GRM8: variants seen among roughly 807,000 people sequenced by gnomAD.
The protein encoded by GRM8 is glutamate metabotropic receptor 8.
In GRM8, 47 loss-of-function variants were observed where a neutral mutation model predicts 87.2. That is an observed-to-expected ratio of 0.54 (90% CI 0.43 to 0.69). The LOEUF (loss-of-function observed/expected upper bound fraction) is 0.69. GRM8 is among the 30% of genes least tolerant of loss of function. GRM8 has a pLI of 0.00. For synonymous variants in GRM8, 396 were observed against 404.5 expected (o/e 0.98, Z 0.25); for missense variants, 1,019 against 1,139.2 (o/e 0.89, Z 1.52).
chr7:126,680,112 C>T (rs1041181386), intron 7 of GRM8, among the ~76,000 whole-genome samples: 1 of 151,812 alleles, frequency 6.6e-6, no homozygotes, highest in Non-Finnish European at 1.5e-5. Flanking sequence ...GAGTGAGATG[C>T]GCAAATGGAA....
intron 3 of GRM8, among the ~76,000 whole-genome samples, chr7:126,963,090 T>C (rs1809482056): frequency 2.6e-5 from 4 of 152,238 alleles, no homozygotes. Context: ...TTTGTTTGTT[T>C]TTCAAGACAG....
intron 6 of GRM8, among the ~76,000 whole-genome samples, chr7:126,810,238 T>C (rs1174101505): frequency 1.3e-5 from 2 of 152,066 alleles, no homozygotes; most frequent in South Asian, 2.1e-4. Context: ...AAAGATACTC[T>C]CCTCTAAGAG....
chr7:127,199,201 T>G (rs982239841), intron 2 of GRM8, among the ~76,000 whole-genome samples: 2 of 151,564 alleles, frequency 1.3e-5, no homozygotes, highest in African/African-American at 4.8e-5. Context: ...CCTCAAGTGA[T>G]CCTCCTGCCT....
At chr7:127,221,653 T>C (rs1796941921) in intron 2 of GRM8, among the ~76,000 whole-genome samples, 1 of 152,190 alleles carries the variant, frequency 6.6e-6, no homozygotes, top group African/African-American at 2.4e-5. Context: ...TAATAACTCA[T>C]TTTGCTAAGA....
At chr7:126,798,015 A>G (rs564114434) in intron 6 of GRM8, among the ~76,000 whole-genome samples, 1 of 152,166 alleles carries the variant, frequency 6.6e-6, no homozygotes, top group Non-Finnish European at 1.5e-5. Flanking sequence ...CTGCAAGAAG[A>G]GAACGCCTCT....
chr7:126,512,791 C>G (rs186539943), intron 9 of GRM8: 1 of 152,112 alleles, frequency 6.6e-6, no homozygotes, highest in Admixed American at 6.6e-5. Context: ...GCTACACCTG[C>G]TGGAGTTTAT....
At chr7:126,592,001 GA>G (rs1004424559) in intron 8 of GRM8, among the ~76,000 whole-genome samples, 1 of 151,484 alleles carries the variant, frequency 6.6e-6, no homozygotes, top group East Asian at 1.9e-4. Context: ...GAAAAACTCA[GA>G]AAAAAATGGG....
rs1412527109 is a variant in GRM8 at position 127,046,190 on chromosome 7, T to C, written c.727+60306A>G. Among the ~76,000 whole-genome samples, 12 of 152,122 alleles carry C rather than the reference T, an allele frequency of 7.9e-5. No homozygotes were observed. In the East Asian group the frequency reaches 2.1e-3, roughly 27 times the overall value. ...ATCGAGACCATCCTGGCTAACACGG[T>C]GAAACCCCGTCTCTACTAAAAATAC... is the stretch of plus-strand genomic sequence containing the variant. On this transcript the variant is annotated intron_variant, in intron 3 of 10. Transcript: ENST00000339582.
At chr7:127,079,739 T>C (rs577936672) in intron 3 of GRM8, among the ~76,000 whole-genome samples, 139 of 152,302 alleles carry the variant, frequency 9.1e-4, no homozygotes, top group African/African-American at 3.2e-3. Flanking sequence ...TCGGGATACA[T>C]TGGCCCTGCC....
intron 9 of GRM8, among the ~76,000 whole-genome samples, chr7:126,491,890 C>A (rs1036414341): frequency 2.1e-4 from 32 of 152,002 alleles, no homozygotes; most frequent in African/African-American, 7.7e-4. Flanking sequence ...TATATTTCCA[C>A]AAGACCTGTT....
intron 7 of GRM8, among the ~76,000 whole-genome samples, chr7:126,680,446 A>G (rs1427185873): frequency 6.6e-6 from 1 of 152,230 alleles, no homozygotes; most frequent in Non-Finnish European, 1.5e-5. Flanking sequence ...CAGCAAATAA[A>G]TTATTATTAT....
chr7:126,631,584 G>A (rs1801266904), intron 7 of GRM8, among the ~76,000 whole-genome samples: 2 of 151,380 alleles, frequency 1.3e-5, no homozygotes, highest in Non-Finnish European at 2.9e-5. Flanking sequence ...CAAGACAATC[G>A]TAAGAAAAAG....
At chr7:126,555,291 A>G (rs1360236965) in intron 8 of GRM8, among the ~76,000 whole-genome samples, 1 of 152,230 alleles carries the variant, frequency 6.6e-6, no homozygotes, top group East Asian at 1.9e-4. Flanking sequence ...GAAGCAAACT[A>G]CGTAAATGAT....
In GRM8 at chr7:126,875,822, T is replaced by C. The variant is rs562196401; in HGVS notation, c.1156+26720A>G. ...ATCTCACCAATCCCAGATTACCCTT[T>C]AATGATTTCACATTACCTTGAAAAT... On this transcript the variant is annotated intron_variant, in intron 6 of 10. Coordinates refer to ENST00000339582, the MANE Select transcript of GRM8 (RefSeq NM_000845.3). Among the ~76,000 whole-genome samples the C allele has an allele frequency of 4.6e-5, 7 of 152,232 alleles. No individual in the cohort carries two copies. The East Asian group carries it at 1.2e-3, about 25-fold the overall frequency.
chr7:126,685,984 T>TA lies in GRM8; in HGVS notation c.1358-76487dup, dbSNP rs1025079418. Among the ~76,000 whole-genome samples the TA allele has an allele frequency of 1.3e-5, 2 of 151,362 alleles. No individual in the cohort carries two copies. Among genetic ancestry groups the TA allele is most frequent in the African/African-American group, 4.9e-5 (2 of 41,182 alleles). ...TGCACTTCCTCCCCTCTGAGGCCCA[T>TA]AAAAACCCCCAGACTCAGCCAGACT... On this transcript the variant is annotated intron_variant, in intron 7 of 10. Transcript: ENST00000339582. The surrounding 1 kb of genome is among the most constrained non-coding windows in gnomAD (Gnocchi z 4.2).
At chr7:126,489,488 T>C (rs1047414811) in intron 9 of GRM8, among the ~76,000 whole-genome samples, 1 of 151,958 alleles carries the variant, frequency 6.6e-6, no homozygotes, top group African/African-American at 2.4e-5. Flanking sequence ...TCATATATAA[T>C]CCACATAAAG....
At chr7:127,038,018 G>C (rs181131666) in intron 3 of GRM8, among the ~76,000 whole-genome samples, 2 of 152,114 alleles carry the variant, frequency 1.3e-5, no homozygotes, top group Non-Finnish European at 2.9e-5. Context: ...TATCATTTTT[G>C]ACTATTAATT....
At chr7:126,681,695 T>C (rs991827287) in intron 7 of GRM8, among the ~76,000 whole-genome samples, 1 of 152,210 alleles carries the variant, frequency 6.6e-6, no homozygotes, top group African/African-American at 2.4e-5. Flanking sequence ...TGTATTTACT[T>C]TCAATTGCTA....
intron 9 of GRM8, among the ~76,000 whole-genome samples, chr7:126,485,303 T>C (rs1232992338): frequency 6.7e-6 from 1 of 148,230 alleles, no homozygotes; most frequent in Non-Finnish European, 1.5e-5. Context: ...CCAAGGGAAA[T>C]GAGTGCAATC....
Sources: allele counts gnomAD v4.1 joint callset (sites outside exome capture counted in the v4.1 genomes callset), GRCh38; gene constraint gnomAD v4.1.1; non-coding constraint Gnocchi (gnomAD v3.1); transcripts MANE v1.5; gene names NCBI Gene and HGNC (gene_info 2026-07-23, HGNC 2026-07-21).